Variants in KIAA2012 observed in about 807,000 individuals in gnomAD.
KIAA2012 encodes KIAA2012, also known as uncharacterized protein KIAA2012.
A neutral mutation model predicts 150.6 loss-of-function variants in KIAA2012; 125 were observed. The ratio of observed to expected loss-of-function variants is 0.83; its 90% confidence interval spans 0.72 to 0.96. The LOEUF (loss-of-function observed/expected upper bound fraction) is 0.96. KIAA2012 is among the 40% of genes least tolerant of loss of function. The probability of loss-of-function intolerance (pLI) is 0.00; values close to 1 mark genes in which losing one functional copy is unlikely to be tolerated. For synonymous variants in KIAA2012, 462 were observed against 504.7 expected (o/e 0.92, Z 1.13); for missense variants, 1,219 against 1,354.9 (o/e 0.90, Z 1.57).
At chr2:202,132,656 A>G (rs1443663261) in intron 12 of KIAA2012, among the ~76,000 whole-genome samples, 1 of 138,900 alleles carries the variant, frequency 7.2e-6, no homozygotes, top group African/African-American at 2.7e-5. Context: ...GCTGGGCGGC[A>G]GAGCAAGACT....
chr2:202,138,343 G>GGTGTGTGT (rs3043926), intron 12 of KIAA2012, 89 bp from the exon 13 acceptor site: 3 of 762,458 alleles, frequency 3.9e-6, no homozygotes, highest in East Asian at 5.7e-5. Context: ...ATATGAACTA[G>GGTGTGTGT]GTGTGTGTGT....
chr2:202,200,031 A>G (rs1352162017), intron 22 of KIAA2012, among the ~76,000 whole-genome samples: 1 of 144,712 alleles, frequency 6.9e-6, no homozygotes, highest in Non-Finnish European at 1.5e-5. Flanking sequence ...CCCCGGTTCA[A>G]GCGATTCTCC....
At chr2:202,130,742 C>T (rs562967380) in intron 12 of KIAA2012, among the ~76,000 whole-genome samples, 1 of 152,066 alleles carries the variant, frequency 6.6e-6, no homozygotes, top group African/African-American at 2.4e-5. Flanking sequence ...CATGGTGAAA[C>T]CCCATCTCTA....
At chr2:202,129,709 G>A (rs1690880412) in intron 12 of KIAA2012, among the ~76,000 whole-genome samples, 1 of 152,086 alleles carries the variant, frequency 6.6e-6, no homozygotes. Flanking sequence ...GGTGGCTCAT[G>A]GCTGTAATCT....
intron 14 of KIAA2012, among the ~76,000 whole-genome samples, chr2:202,157,910 G>T (rs1366561364): frequency 6.6e-6 from 1 of 152,192 alleles, no homozygotes; most frequent in Non-Finnish European, 1.5e-5. Context: ...TGACCCCACA[G>T]GATTTTGCCC....
intron 15 of KIAA2012, among the ~76,000 whole-genome samples, chr2:202,182,108 CTTTTTTTT>C (rs754494077): frequency 2.9e-5 from 3 of 104,104 alleles, no homozygotes; most frequent in East Asian, 2.8e-4. Flanking sequence ...TTTCTTTATT[CTTTTTTTT>C]TTTTTTTTTT....
rs1356315815 is a variant in KIAA2012 at position 202,099,595 on chromosome 2, G to A, written c.829-18G>A. On this transcript the variant is annotated intron_variant, in intron 5 of 23. Transcript: ENST00000498697. The stretch of plus-strand genomic sequence containing the variant: ...TATGACAGCCTGTTTACAGGAATGT[G>A]TATCTGTCGTTCCCTAGGACACGTC... 3.2e-6 allele frequency: 5 copies of A among 1,539,548 alleles called. No homozygotes were observed. In the East Asian group the frequency reaches 7.4e-5, roughly 23 times the overall value.
chr2:202,160,336 T>C (rs376101558), intron 14 of KIAA2012, among the ~76,000 whole-genome samples: 122 of 138,354 alleles, frequency 8.8e-4, no homozygotes, highest in African/African-American at 2.7e-3. Flanking sequence ...TTTTTTGAGA[T>C]GGAGTCTCGC....
At chr2:202,191,541 T>G (rs1692327618) in intron 19 of KIAA2012, among the ~76,000 whole-genome samples, 1 of 130,690 alleles carries the variant, frequency 7.7e-6, no homozygotes, top group African/African-American at 2.9e-5. Context: ...CAAGACTCTA[T>G]CTATCTCTAA....
chr2:202,196,975 A>C lies in KIAA2012; in HGVS notation c.3363A>C (p.Arg1121Ser). Reference protein sequence around the residue: ...ERRQKEEEAARLALEEATKQA... With the variant: ...ERRQKEEEAASLALEEATKQA... The stretch of plus-strand genomic sequence containing the variant: ...GGCAAAAAGAAGAGGAAGCAGCAAG[A>C]CTGGCTCTGGAAGAAGCCACGAAAC... The change falls in exon 22 of 24, where the codon AGA becomes AGC. Residue 1121 changes from arginine to serine, a missense_variant. Coordinates refer to ENST00000498697, the MANE Select transcript of KIAA2012 (RefSeq NM_001277372.4). The C allele has an allele frequency of 6.4e-7, 1 of 1,550,608 alleles. No individual in the cohort carries two copies. Among genetic ancestry groups the C allele is most frequent in the South Asian group, 1.2e-5 (1 of 84,056 alleles).
intron 22 of KIAA2012, among the ~76,000 whole-genome samples, chr2:202,198,377 T>C (rs1318980768): frequency 1.3e-5 from 2 of 151,968 alleles, no homozygotes; most frequent in African/African-American, 2.4e-5. Context: ...GAGACTGGCA[T>C]GTTGGAAGAA....
chr2:202,138,572 C>A, intron 13 of KIAA2012, 64 bp downstream of exon 13: 1 of 1,261,484 alleles, frequency 7.9e-7, no homozygotes, highest in Non-Finnish European at 1.1e-6. Flanking sequence ...CTTGTTTCAG[C>A]TTGCTGTGTG....
Position 202,154,701 on chromosome 2 carries a change from C to T in KIAA2012, c.1937C>T (p.Ala646Val). 6.5e-7 allele frequency: 1 copy of T among 1,548,884 alleles called. No homozygotes were observed. Residue 646 changes from alanine to valine, a missense_variant, in exon 14 of 24, where the codon GCT (alanine) becomes GTT (valine). Physicochemically the swap from Ala to Val is moderately conservative, Grantham distance 64. Coordinates refer to ENST00000498697, the MANE Select transcript of KIAA2012 (RefSeq NM_001277372.4). ...QGAQQSLEAA[A>V]QKTGEPQSCI... ...GCCCAGCAGTCCTTGGAGGCAGCAGCTCAGAAGACAGGAGAGCCTCAAAGT... is the reference window on the plus strand; with the variant it reads ...GCCCAGCAGTCCTTGGAGGCAGCAGTTCAGAAGACAGGAGAGCCTCAAAGT...
chr2:202,199,771 C>G (rs2350358), intron 22 of KIAA2012, among the ~76,000 whole-genome samples: 133,600 of 152,134 alleles, frequency 0.88, 58,754 homozygotes, highest in East Asian at 0.89. Context: ...TATTAACCCA[C>G]TCCAGGAATT....
At chr2:202,197,773 AG>A (rs1216330889) in intron 22 of KIAA2012, 1 of 149,052 alleles carries the variant, frequency 6.7e-6, no homozygotes, top group Non-Finnish European at 1.5e-5. Flanking sequence ...CTGAGGCAGG[AG>A]GATCACTTGA....
At chr2:202,195,565 T>C (rs532509959) in intron 21 of KIAA2012, among the ~76,000 whole-genome samples, 36 of 152,138 alleles carry the variant, frequency 2.4e-4, no homozygotes, top group Non-Finnish European at 4.1e-4. Flanking sequence ...TTATAGCTAT[T>C]TGAAAATATA....
chr2:202,124,042 A>T (rs558285667), intron 11 of KIAA2012, among the ~76,000 whole-genome samples: 2 of 152,234 alleles, frequency 1.3e-5, no homozygotes, highest in Admixed American at 6.5e-5. Flanking sequence ...TACAAAAAAA[A>T]TTAGCCGGGT....
In KIAA2012 at chr2:202,177,913, C is replaced by G. The variant is rs534950486; in HGVS notation, c.2120-6840C>G. 2.0e-5 allele frequency among the ~76,000 whole-genome samples: 3 copies of G among 152,318 alleles called. No individual in the cohort carries two copies. In the East Asian group the frequency reaches 5.8e-4, roughly 29 times the overall value. On this transcript the variant is annotated intron_variant, in intron 15 of 23. Transcript: ENST00000498697. Reference sequence around the variant, plus strand: ...TTTGATTTCTTTAGAAAATGCATGACTTAGGCTGGGCACAGTGGCTCATGC... The same window carrying G: ...TTTGATTTCTTTAGAAAATGCATGAGTTAGGCTGGGCACAGTGGCTCATGC...
chr2:202,173,902 T>C (rs867335538), intron 15 of KIAA2012, among the ~76,000 whole-genome samples: 1 of 152,292 alleles, frequency 6.6e-6, no homozygotes. Context: ...ACAAAGAGTA[T>C]CCATGAAAAA....
Sources: gnomAD v4.1 joint callset for allele counts (sites outside exome capture counted in the v4.1 genomes callset) on GRCh38, gnomAD v4.1.1 for gene constraint, MANE v1.5 for transcripts, NCBI Gene and HGNC (gene_info 2026-07-23, HGNC 2026-07-21) for gene names.